Variants in SGCZ observed in about 807,000 individuals in gnomAD.
SGCZ encodes the protein zeta-sarcoglycan.
A neutral mutation model predicts 41.3 loss-of-function variants in SGCZ; 40 were observed. That is an observed-to-expected ratio of 0.97 (90% CI 0.75 to 1.26). SGCZ has a LOEUF of 1.26. SGCZ is among the 50% of genes most tolerant of loss of function. The probability of loss-of-function intolerance (pLI) is 0.00; values close to 1 mark genes in which losing one functional copy is unlikely to be tolerated. For synonymous variants in SGCZ, 206 were observed against 137.5 expected (o/e 1.50, Z -3.49); for missense variants, 552 against 369.8 (o/e 1.49, Z -4.04).
intron 1 of SGCZ, among the ~76,000 whole-genome samples, chr8:14,802,340 A>G (rs1801348214): frequency 6.6e-6 from 1 of 152,240 alleles, no homozygotes; most frequent in South Asian, 2.1e-4. Flanking sequence ...TAAAACATAA[A>G]TAAAAATGTG....
intron 3 of SGCZ, among the ~76,000 whole-genome samples, chr8:14,323,460 C>A (rs952172648): frequency 6.6e-6 from 1 of 151,922 alleles, no homozygotes; most frequent in Non-Finnish European, 1.5e-5. Context: ...ATGAAAAATT[C>A]TAGTAAGTTT....
Position 14,315,135 on chromosome 8 carries a change from T to G in SGCZ, c.336+8968A>C, listed in dbSNP as rs576768320. Among the ~76,000 whole-genome samples, 14 of 152,258 alleles carry G rather than the reference T, an allele frequency of 9.2e-5. No homozygotes were observed. The South Asian group carries it at 2.1e-3, about 23-fold the overall frequency. On this transcript the variant is annotated intron_variant, in intron 3 of 7. Transcript: ENST00000382080. ...TTGAGGTTTGAATTCTGGCTCACCT[T>G]GGAGTCCTGAAACTTTGGATGCATC...
At chr8:15,082,450 G>GTGTGTGTGTT (rs1554552469) in intron 1 of SGCZ, among the ~76,000 whole-genome samples, 6 of 151,038 alleles carry the variant, frequency 4.0e-5, no homozygotes, top group Non-Finnish European at 8.9e-5. Flanking sequence ...CTAAGTGTGT[G>GTGTGTGTGTT]TGTGTGTATA....
At chr8:14,729,580 G>C (rs1295219893) in intron 1 of SGCZ, among the ~76,000 whole-genome samples, 1 of 152,168 alleles carries the variant, frequency 6.6e-6, no homozygotes, top group Non-Finnish European at 1.5e-5. Context: ...CTACTAGTCA[G>C]TAGAGATGTC....
At chr8:14,408,756 C>A (rs949733901) in intron 2 of SGCZ, among the ~76,000 whole-genome samples, 5 of 152,022 alleles carry the variant, frequency 3.3e-5, no homozygotes, top group Non-Finnish European at 5.9e-5. Flanking sequence ...CCTGAATTTT[C>A]TAAATCCCTA....
At chr8:14,724,862 C>G (rs895444119) in intron 1 of SGCZ, among the ~76,000 whole-genome samples, 1 of 152,124 alleles carries the variant, frequency 6.6e-6, no homozygotes. Flanking sequence ...TTCAGTTTCA[C>G]TCTTCTATTT....
At chr8:14,551,204 C>A (rs1803798690) in intron 2 of SGCZ, among the ~76,000 whole-genome samples, 1 of 146,718 alleles carries the variant, frequency 6.8e-6, no homozygotes, top group African/African-American at 2.5e-5. Flanking sequence ...AAAATCAGTA[C>A]TTTATTATTG....
At chr8:14,572,954 T>G (rs1804598778) in intron 1 of SGCZ, among the ~76,000 whole-genome samples, 1 of 152,206 alleles carries the variant, frequency 6.6e-6, no homozygotes, top group Admixed American at 6.5e-5. Context: ...GCAAAGCATT[T>G]TAAATATCAC....
chr8:14,301,951 C>T (rs984675918), intron 3 of SGCZ, among the ~76,000 whole-genome samples: 3 of 152,096 alleles, frequency 2.0e-5, no homozygotes, highest in African/African-American at 7.2e-5. Flanking sequence ...CCAAGGCTGC[C>T]TTTCATTTAC....
At chr8:14,592,594 CA>C (rs35874655) in intron 1 of SGCZ, among the ~76,000 whole-genome samples, 45,989 of 149,232 alleles carry the variant, frequency 0.31, 7,056 homozygotes, top group Admixed American at 0.33. Context: ...TTTCCTTATT[CA>C]AAAAAAAAAT....
intron 1 of SGCZ, among the ~76,000 whole-genome samples, chr8:14,846,839 T>A (rs113787646): frequency 0.013 from 1,996 of 150,852 alleles, 28 homozygotes; most frequent in African/African-American, 0.031. Flanking sequence ...GGAGGCCGAG[T>A]CGGGTGGATT....
chr8:15,159,808 C>T lies in SGCZ; in HGVS notation c.39+77777G>A, dbSNP rs549185612. Among the ~76,000 whole-genome samples the T allele has an allele frequency of 9.7e-5, 13 of 134,604 alleles. No homozygotes were observed. In the East Asian group the frequency reaches 2.7e-3, roughly 28 times the overall value. 88.3% of individuals were successfully genotyped at this position (134,604 alleles called of 152,430 possible). A position where few individuals can be genotyped will look rare whatever the true frequency, so the allele number is the denominator to read the frequency against. On this transcript the variant is annotated intron_variant, in intron 1 of 7. Coordinates refer to ENST00000382080, the MANE Select transcript of SGCZ (RefSeq NM_139167.4). ...AATCAGCTTAATGGCAGATAATTTT[C>T]TGGGACCAGTAATATGACACTGAAT... is the stretch of plus-strand genomic sequence containing the variant.
intron 3 of SGCZ, among the ~76,000 whole-genome samples, chr8:14,278,127 T>C (rs113433477): frequency 5.6e-4 from 85 of 152,214 alleles, no homozygotes; most frequent in Middle Eastern, 3.4e-3. Flanking sequence ...TACAAACTAT[T>C]GTCTGGTTTG....
chr8:14,311,872 G>C (rs1277074967), intron 3 of SGCZ, among the ~76,000 whole-genome samples: 1 of 152,116 alleles, frequency 6.6e-6, no homozygotes, highest in Non-Finnish European at 1.5e-5. Flanking sequence ...AAGAGGCAGT[G>C]TTGTATGAAG....
intron 1 of SGCZ, among the ~76,000 whole-genome samples, chr8:14,781,313 C>A (rs554344903): frequency 2.0e-5 from 3 of 152,288 alleles, no homozygotes; most frequent in African/African-American, 7.2e-5. Flanking sequence ...CTCACTGAAA[C>A]GTCAGCCTCC....
At chr8:14,106,572 G>T (rs532239643) in intron 6 of SGCZ, among the ~76,000 whole-genome samples, 1 of 152,096 alleles carries the variant, frequency 6.6e-6, no homozygotes, top group East Asian at 1.9e-4. Context: ...AAAATTTACT[G>T]TTGTAAAGTA....
intron 2 of SGCZ, among the ~76,000 whole-genome samples, chr8:14,423,262 T>G (rs1799684734): frequency 1.3e-5 from 2 of 151,804 alleles, no homozygotes; most frequent in South Asian, 4.2e-4. Flanking sequence ...TGTATACATA[T>G]GTAACTAATC....
chr8:14,847,601 G>A (rs1442969409), intron 1 of SGCZ, among the ~76,000 whole-genome samples: 1 of 147,292 alleles, frequency 6.8e-6, no homozygotes, highest in Non-Finnish European at 1.5e-5. Flanking sequence ...CAGAAAGTAG[G>A]AAAAGAAAGG....
intron 1 of SGCZ, among the ~76,000 whole-genome samples, chr8:14,884,263 G>T (rs1804703587): frequency 6.6e-6 from 1 of 152,084 alleles, no homozygotes; most frequent in South Asian, 2.1e-4. Flanking sequence ...GTGCCAAAGT[G>T]CTTTCCAAAC....
Sources: allele counts gnomAD v4.1 joint callset (sites outside exome capture counted in the v4.1 genomes callset), GRCh38; gene constraint gnomAD v4.1.1; transcripts MANE v1.5; gene names NCBI Gene and HGNC (gene_info 2026-07-23, HGNC 2026-07-21).